Variants in MAPK4 observed in about 807,000 individuals in gnomAD.
MAPK4 encodes the protein mitogen-activated protein kinase 4, also known as Erk3-related.
MAPK4 carries 22 observed loss-of-function variants against 47.7 expected under a neutral mutation model. The observed-to-expected ratio is 0.46, with a 90% CI of 0.33 to 0.66. The LOEUF (loss-of-function observed/expected upper bound fraction) is 0.66, where lower values mean the gene tolerates loss of function less well. Ranked by LOEUF, MAPK4 falls within the 30% of genes least tolerant of loss-of-function variation. The probability of loss-of-function intolerance (pLI) is 0.02; values close to 1 mark genes in which losing one functional copy is unlikely to be tolerated. For missense variants in MAPK4, 736 were observed against 831.7 expected (o/e 0.88, Z 1.42); for synonymous variants, 390 against 365.7 (o/e 1.07, Z -0.76).
At chr18:50,641,483 C>T (rs1252862790) in intron 1 of MAPK4, among the ~76,000 whole-genome samples, 1 of 152,052 alleles carries the variant, frequency 6.6e-6, no homozygotes, top group African/African-American at 2.4e-5. Flanking sequence ...ATTTGAACTT[C>T]AAAATATATA....
chr18:50,629,594 G>A (rs904033848), intron 1 of MAPK4: 2 of 152,164 alleles, frequency 1.3e-5, no homozygotes, highest in African/African-American at 2.4e-5. Context: ...TCAAGACAGC[G>A]ACAGCAGAGC....
intron 5 of MAPK4, among the ~76,000 whole-genome samples, chr18:50,728,544 C>T (rs1911327938): frequency 1.3e-5 from 2 of 152,174 alleles, no homozygotes; most frequent in South Asian, 4.1e-4. Context: ...CCACCCTAGA[C>T]CTACTCAGTC....
intron 3 of MAPK4, among the ~76,000 whole-genome samples, chr18:50,719,670 A>G (rs1041839260): frequency 6.6e-6 from 1 of 152,186 alleles, no homozygotes; most frequent in African/African-American, 2.4e-5. Flanking sequence ...GCTGTGCTCC[A>G]GCTGCCCTTC....
At chr18:50,605,684 G>A in intron 1 of MAPK4, among the ~76,000 whole-genome samples, 1 of 152,184 alleles carries the variant, frequency 6.6e-6, no homozygotes, top group South Asian at 2.1e-4. Flanking sequence ...TTCCTTCCAG[G>A]GAACAAGAAG....
chr18:50,576,904 A>G (rs1162402241), intron 1 of MAPK4, among the ~76,000 whole-genome samples: 4 of 152,204 alleles, frequency 2.6e-5, no homozygotes, highest in Non-Finnish European at 5.9e-5. Context: ...GGAGGTCTCT[A>G]CAAATTCAAT....
At chr18:50,716,362 AT>A (rs1473104353) in intron 3 of MAPK4, among the ~76,000 whole-genome samples, 1 of 151,674 alleles carries the variant, frequency 6.6e-6, no homozygotes, top group East Asian at 1.9e-4. Context: ...CTCTCTGGCA[AT>A]CCCCCCTCAG....
rs542267881 is a variant in MAPK4, at chr18:50,692,956, C to T, written c.547-22123C>T. ...AGGCAAGGCAGAAGTGATCCTAAGG[C>T]GTTAAATAGATAGTGCAGGCTAGGC... On this transcript the variant is annotated intron_variant, in intron 2 of 5. Transcript: ENST00000400384. Among the ~76,000 whole-genome samples, 13 of 152,200 alleles carry T rather than the reference C, an allele frequency of 8.5e-5. No homozygotes were observed. The South Asian group carries it at 1.2e-3, about 15-fold the overall frequency.
At chr18:50,676,405 C>T (rs1908272191) in intron 2 of MAPK4, among the ~76,000 whole-genome samples, 2 of 152,186 alleles carry the variant, frequency 1.3e-5, no homozygotes, top group Non-Finnish European at 2.9e-5. Flanking sequence ...GCCGTCAAAC[C>T]AGTTATCAAT....
intron 1 of MAPK4, among the ~76,000 whole-genome samples, chr18:50,652,911 A>G (rs1568063763): frequency 6.6e-6 from 1 of 152,192 alleles, no homozygotes; most frequent in Admixed American, 6.5e-5. Context: ...GTGGCTGGGT[A>G]TGGATTACAC....
chr18:50,565,324 G>A (rs1004748601), intron 1 of MAPK4, among the ~76,000 whole-genome samples: 13 of 152,190 alleles, frequency 8.5e-5, no homozygotes, highest in African/African-American at 3.1e-4. Flanking sequence ...GGTTTAGCAG[G>A]AGGCTCTGTG....
chr18:50,623,374 C>T (rs138328179), intron 1 of MAPK4, among the ~76,000 whole-genome samples: 124 of 151,444 alleles, frequency 8.2e-4, no homozygotes, highest in African/African-American at 2.9e-3. Flanking sequence ...TTCATTTAGA[C>T]TCATCCCAAA....
rs58870306 is a variant in MAPK4 at position 50,625,882 on chromosome 18, G to GCACA, written c.-870-37164_-870-37161dup. Reference sequence around the variant, plus strand: ...AGAAAAACCAATAGGGTGTGTGTATGCACACACACACACACACACACACAC... The same window carrying GCACA: ...AGAAAAACCAATAGGGTGTGTGTATGCACACACACACACACACACACACACACAC... On this transcript the variant is annotated intron_variant, in intron 1 of 5. Coordinates refer to ENST00000400384, the MANE Select transcript of MAPK4 (RefSeq NM_002747.4). 2.8e-4 allele frequency among the ~76,000 whole-genome samples: 41 copies of GCACA among 145,446 alleles called. No individual in the cohort carries two copies. In the East Asian group the frequency reaches 4.8e-3, roughly 17 times the overall value.
chr18:50,722,539 GTATA>G (rs1333270231), intron 4 of MAPK4, among the ~76,000 whole-genome samples: 1 of 152,012 alleles, frequency 6.6e-6, no homozygotes, highest in African/African-American at 2.4e-5. Flanking sequence ...TCCCTCTACT[GTATA>G]TTCAAGGCTC....
intron 1 of MAPK4, among the ~76,000 whole-genome samples, chr18:50,633,838 G>A (rs1253098806): frequency 1.3e-5 from 2 of 152,294 alleles, no homozygotes; most frequent in Admixed American, 6.5e-5. Flanking sequence ...GGAGAATTGC[G>A]AGACTATAGG....
At chr18:50,568,357 T>C (rs1445645203) in intron 1 of MAPK4, among the ~76,000 whole-genome samples, 1 of 152,206 alleles carries the variant, frequency 6.6e-6, no homozygotes, top group Non-Finnish European at 1.5e-5. Flanking sequence ...GATAGAGTGC[T>C]TTATCCTCTT....
At chr18:50,601,532 C>T (rs932437232) in intron 1 of MAPK4, among the ~76,000 whole-genome samples, 1 of 152,048 alleles carries the variant, frequency 6.6e-6, no homozygotes, top group East Asian at 1.9e-4. Flanking sequence ...CACCACTTCT[C>T]TTCCTCTTTC....
chr18:50,612,443 G>A (rs1598825546), intron 1 of MAPK4, among the ~76,000 whole-genome samples: 1 of 152,150 alleles, frequency 6.6e-6, no homozygotes, highest in East Asian at 1.9e-4. Context: ...TACCCTCAGG[G>A]AGCTCCCAGT....
At chr18:50,590,628 A>G (rs1025904139) in intron 1 of MAPK4, among the ~76,000 whole-genome samples, 1 of 152,246 alleles carries the variant, frequency 6.6e-6, no homozygotes, top group Non-Finnish European at 1.5e-5. Flanking sequence ...CAGATATATC[A>G]CTGGAATGGA....
At chr18:50,568,021 C>T (rs1314772416) in intron 1 of MAPK4, among the ~76,000 whole-genome samples, 1 of 151,702 alleles carries the variant, frequency 6.6e-6, no homozygotes, top group Admixed American at 6.6e-5. Context: ...ACGGTGAAAC[C>T]CCGTCTCTAC....
Sources: gnomAD v4.1 joint callset for allele counts (sites outside exome capture counted in the v4.1 genomes callset) on GRCh38, gnomAD v4.1.1 for gene constraint, MANE v1.5 for transcripts, NCBI Gene and HGNC (gene_info 2026-07-23, HGNC 2026-07-21) for gene names.